The following C7orf57 variants were observed in gnomAD, a reference collection of about 807,000 sequenced individuals.
C7orf57 encodes the protein chromosome 7 open reading frame 57.
In C7orf57, 33 loss-of-function variants were observed where a neutral mutation model predicts 39.0. That is an observed-to-expected ratio of 0.85 (90% CI 0.64 to 1.13). The LOEUF (loss-of-function observed/expected upper bound fraction) is 1.13. Among genes scored for constraint, C7orf57 ranks in the 50% most tolerant of loss-of-function variants. The pLI is 0.00. For missense variants in C7orf57, 346 were observed against 362.3 expected (o/e 0.95, Z 0.37); for synonymous variants, 124 against 137.1 (o/e 0.90, Z 0.67).
intron 8 of C7orf57, among the ~76,000 whole-genome samples, chr7:48,057,045 T>C (rs1441376427): frequency 2.0e-5 from 3 of 151,004 alleles, no homozygotes; most frequent in Non-Finnish European, 4.4e-5. Flanking sequence ...TATTTTGAAA[T>C]CAGATGATGC....
Position 48,036,159 on chromosome 7 carries a change from G to A in C7orf57, c.-101-49G>A. 4 of 754,884 alleles carry A rather than the reference G, an allele frequency of 5.3e-6. No individual in the cohort carries two copies. In the South Asian group the frequency reaches 6.0e-5, roughly 11 times the overall value. The allele number at this position is 754,884 out of a possible 1,614,324, so 46.8% of individuals were successfully genotyped here. A position where few individuals can be genotyped will look rare whatever the true frequency, so the allele number is the denominator to read the frequency against. On this transcript the variant is annotated intron_variant, in intron 1 of 8. Transcript: ENST00000348904. ...AAGGCGCCTGCAGGCGTGTCAGGGC[G>A]AGGCGTACAGACCGACCCAGAGCGG...
chr7:48,036,212 A>G lies in C7orf57; in HGVS notation c.-97A>G, dbSNP rs1583794834. ...GCGCGGATTTTGCTTTTGCAGCTGC[A>G]GCTCCTGGCAACTGGTCAAGCAGGC... On this transcript the variant is annotated 5_prime_UTR_variant, in exon 2 of 9. Coordinates refer to ENST00000348904, the MANE Select transcript of C7orf57 (RefSeq NM_001100159.3). 5 of 1,352,568 alleles carry G rather than the reference A, an allele frequency of 3.7e-6. No homozygotes were observed. Among genetic ancestry groups the G allele is most frequent in the Non-Finnish European group, 5.2e-6 (5 of 966,256 alleles). The allele number at this position is 1,352,568 out of a possible 1,614,324, so 83.8% of individuals were successfully genotyped here.
At chr7:48,059,288 A>G (rs1388436092) in intron 8 of C7orf57, among the ~76,000 whole-genome samples, 1 of 152,106 alleles carries the variant, frequency 6.6e-6, no homozygotes, top group Non-Finnish European at 1.5e-5. Flanking sequence ...TTTCCTTCCA[A>G]CTAGACATCT....
At chr7:48,051,760 T>TC (rs1790903351) in intron 6 of C7orf57, among the ~76,000 whole-genome samples, 1 of 33,140 alleles carries the variant, frequency 3.0e-5, no homozygotes, top group Non-Finnish European at 9.3e-5. Context: ...TTTTCTTTCT[T>TC]TCTTTCTTTC....
chr7:48,053,081 G>A (rs770780963), intron 7 of C7orf57, 158 bp downstream of exon 7: 3 of 710,642 alleles, frequency 4.2e-6, no homozygotes, highest in South Asian at 1.5e-5. Context: ...AGATAAGCAA[G>A]AGAGTAATAC....
At position 48,041,417 on chromosome 7, in the gene C7orf57, T is replaced by A; in HGVS notation, c.139T>A (p.Leu47Met). Residue 47 changes from leucine to methionine, a missense_variant, in exon 3 of 9, where the codon TTG becomes ATG. Physicochemically the swap from Leu to Met is conservative, Grantham distance 15. Transcript: ENST00000348904. ...PASQIPGLSN[L>M]GDSHSENLPG... is the part of the protein sequence containing the mutation. Reference sequence around the variant, plus strand: ...GTCCCAGATCCCAGGTCTCAGCAATTTGGGAGACTCACACAGCGAGAACCT... The same window carrying A: ...GTCCCAGATCCCAGGTCTCAGCAATATGGGAGACTCACACAGCGAGAACCT... 6.2e-7 allele frequency: 1 copy of A among 1,613,864 alleles called. No homozygotes were observed. The highest frequency in any genetic ancestry group is 8.5e-7 in the Non-Finnish European group (1 of 1,179,842).
chr7:48,047,558 A>G (rs1244563472), intron 5 of C7orf57, among the ~76,000 whole-genome samples: 1 of 152,208 alleles, frequency 6.6e-6, no homozygotes, highest in African/African-American at 2.4e-5. Flanking sequence ...GCTGAACACC[A>G]AGTGGAATGT....
chr7:48,054,606 A>G lies in C7orf57; in HGVS notation c.841A>G (p.Ser281Gly), dbSNP rs1053952796. ...ACTTTTTATTACAGAGTCTTCTCAA[A>G]GTGAGTACTTATAAAGTAACCAGCA... is the stretch of plus-strand genomic sequence containing the variant. The part of the protein sequence containing the change: ...GPEDTPESSQ[S>G]PEESVSASTP... Residue 281 changes from serine (S) to glycine (G), a missense_variant and splice_region_variant, in exon 8 of 9, where the codon AGC becomes GGC. Coordinates refer to ENST00000348904, the MANE Select transcript of C7orf57 (RefSeq NM_001100159.3). The G allele has an allele frequency of 9.7e-6, 15 of 1,549,368 alleles. No homozygotes were observed. Among genetic ancestry groups the G allele is most frequent in the Non-Finnish European group, 1.1e-5 (13 of 1,145,000 alleles).
chr7:48,051,831 C>CTTTCTTTCTTTCTT (rs1562630095), intron 6 of C7orf57, among the ~76,000 whole-genome samples: 1 of 44,584 alleles, frequency 2.2e-5, no homozygotes, highest in South Asian at 7.4e-4. Flanking sequence ...TTCTTTCTTT[C>CTTTCTTTCTTTCTT]TTTCTTTCTT....
chr7:48,057,569 A>C (rs1791150888), intron 8 of C7orf57, among the ~76,000 whole-genome samples: 2 of 152,134 alleles, frequency 1.3e-5, no homozygotes, highest in South Asian at 4.1e-4. Flanking sequence ...ATCAAACAGA[A>C]TATTTCACTT....
Position 48,052,817 on chromosome 7 carries a change from C to T in C7orf57, c.723C>T (p.Thr241=), listed in dbSNP as rs750277910. The T allele has an allele frequency of 8.1e-6, 13 of 1,613,900 alleles. No homozygotes were observed. Among genetic ancestry groups the T allele is most frequent in the Admixed American group, 1.7e-5 (1 of 60,012 alleles). ...RADSDKRTPK[T]SRASVLSQSP... ...ACTCAGACAAGAGGACCCCGAAGAC[C>T]TCCAGGGCATCAGTGTTATCTCAGT... The change falls in exon 7 of 9, where the codon ACC becomes ACT. Residue 241 remains threonine (T), a synonymous_variant. Coordinates refer to ENST00000348904, the MANE Select transcript of C7orf57 (RefSeq NM_001100159.3).
chr7:48,041,287 C>T, intron 2 of C7orf57, 47 bp from the exon 3 acceptor site: 1 of 1,554,294 alleles, frequency 6.4e-7, no homozygotes, highest in Non-Finnish European at 8.7e-7. Flanking sequence ...CTAGAGGCCA[C>T]CCCGACACAC....
At position 48,041,381 on chromosome 7, in the gene C7orf57, G is replaced by T; in HGVS notation, c.103G>T (p.Ala35Ser). ...GAAGCGCTCTGAGAAGGCCGTGGAT[G>T]CCCCACCAGCGTCCCAGATCCCAGG... ...PVKRSEKAVD[A>S]PPASQIPGLS... Residue 35 changes from alanine to serine, a missense_variant, in exon 3 of 9, where the codon GCC becomes TCC. Physicochemically the swap from Ala to Ser is moderately conservative, Grantham distance 99. Transcript: ENST00000348904. The T allele has an allele frequency of 2.5e-6, 4 of 1,613,922 alleles. No individual in the cohort carries two copies. The highest frequency in any genetic ancestry group is 3.4e-6 in the Non-Finnish European group (4 of 1,179,846).
chr7:48,054,886 A>AT (rs200255482), intron 8 of C7orf57, among the ~76,000 whole-genome samples: 5 of 150,976 alleles, frequency 3.3e-5, no homozygotes, highest in Admixed American at 2.6e-4. Context: ...TATTATTATT[A>AT]TTTTTTTTGA....
Position 48,060,291 on chromosome 7 carries a change from T to C in C7orf57, c.*19T>C. 1 of 1,476,700 alleles carries C rather than the reference T, an allele frequency of 6.8e-7. No individual in the cohort carries two copies. Among genetic ancestry groups the C allele is most frequent in the Non-Finnish European group, 9.2e-7 (1 of 1,091,056 alleles). The allele number at this position is 1,476,700 out of a possible 1,614,324, so 91.5% of individuals were successfully genotyped here. ...CAAATAAATCCTGATGCAATATGTATTTAGGATAATTTTTAAATGGCTAAA... is the reference window on the plus strand; with the variant it reads ...CAAATAAATCCTGATGCAATATGTACTTAGGATAATTTTTAAATGGCTAAA... On this transcript the variant is annotated 3_prime_UTR_variant, in exon 9 of 9. Coordinates refer to ENST00000348904, the MANE Select transcript of C7orf57 (RefSeq NM_001100159.3).
At chr7:48,040,934 G>A (rs11977431) in intron 2 of C7orf57, among the ~76,000 whole-genome samples, 3,991 of 152,288 alleles carry the variant, frequency 0.026, 168 homozygotes, top group African/African-American at 0.09. Context: ...AACGTTTTAA[G>A]TGATTTGGGA....
At chr7:48,050,295 C>T (rs559198016) in intron 6 of C7orf57, among the ~76,000 whole-genome samples, 44 of 152,334 alleles carry the variant, frequency 2.9e-4, no homozygotes, top group African/African-American at 9.9e-4. Flanking sequence ...CCACAGTTCA[C>T]GGGGACTGCT....
chr7:48,036,209 T>C lies in C7orf57; in HGVS notation c.-100T>C. The C allele has an allele frequency of 5.2e-6, 7 of 1,341,370 alleles. No individual in the cohort carries two copies. The highest frequency in any genetic ancestry group is 2.0e-5 in the Admixed American group (1 of 50,704). The allele number at this position is 1,341,370 out of a possible 1,614,324, so 83.1% of individuals were successfully genotyped here. A position where few individuals can be genotyped will look rare whatever the true frequency, so the allele number is the denominator to read the frequency against. ...GGCGCGCGGATTTTGCTTTTGCAGC[T>C]GCAGCTCCTGGCAACTGGTCAAGCA... is the stretch of plus-strand genomic sequence containing the variant. On this transcript the variant is annotated splice_region_variant and 5_prime_UTR_variant, in exon 2 of 9. Transcript: ENST00000348904.
In C7orf57 at chr7:48,041,470, A is replaced by C. The variant is rs1790547001; in HGVS notation, c.192A>C (p.Lys64Asn). The change falls in exon 3 of 9, where the codon AAA (lysine) becomes AAC (asparagine). Residue 64 changes from lysine (K) to asparagine (N), a missense_variant. By Grantham distance (94) the Lys-to-Asn change is moderately conservative. Transcript: ENST00000348904. ...NLPGTRRYWI[K>N]ETDSEYVKLA... ...CTGGGACTCGGAGATACTGGATAAAAGAAACAGATTCGGAATATGTGAAGC... is the reference window on the plus strand; with the variant it reads ...CTGGGACTCGGAGATACTGGATAAACGAAACAGATTCGGAATATGTGAAGC... The C allele has an allele frequency of 6.2e-7, 1 of 1,613,608 alleles. No homozygotes were observed. Among genetic ancestry groups the C allele is most frequent in the African/African-American group, 1.3e-5 (1 of 74,916 alleles).
Sources: allele counts gnomAD v4.1 joint callset (sites outside exome capture counted in the v4.1 genomes callset), GRCh38; gene constraint gnomAD v4.1.1; transcripts MANE v1.5; gene names NCBI Gene and HGNC (gene_info 2026-07-23, HGNC 2026-07-21).